RPL15: variants seen among roughly 807,000 people sequenced by gnomAD.
RPL15 encodes the protein large ribosomal subunit protein eL15.
For missense variants in RPL15, 161 were observed against 271.8 expected (o/e 0.59, Z 2.87); for synonymous variants, 97 against 95.1 (o/e 1.02, Z -0.12).
In RPL15 at chr3:23,919,351, C is replaced by A. The variant is rs1199118032; in HGVS notation, c.465C>A (p.Val155=). ...NPDTQWITKP[V]HKHREMRGLT... ...ACACCCAGTGGATCACCAAACCAGTCCACAAGCACAGGGAGATGCGTGGGC... is the reference window on the plus strand; with the variant it reads ...ACACCCAGTGGATCACCAAACCAGTACACAAGCACAGGGAGATGCGTGGGC... Residue 155 remains valine, a synonymous_variant, in exon 4 of 4, where the codon GTC becomes GTA. Coordinates refer to ENST00000307839, the MANE Select transcript of RPL15 (RefSeq NM_002948.5). 1.2e-6 allele frequency: 2 copies of A among 1,602,506 alleles called. No homozygotes were observed. Among genetic ancestry groups the A allele is most frequent in the Admixed American group, 1.7e-5 (1 of 59,992 alleles).
Position 23,919,891 on chromosome 3 carries a change from G to GTT in RPL15, c.*397_*398dup. 1 of 993,570 alleles carries GTT rather than the reference G, an allele frequency of 1.0e-6. No individual in the cohort carries two copies. The allele number at this position is 993,570 out of a possible 1,614,324, so 61.5% of individuals were successfully genotyped here. A position where few individuals can be genotyped will look rare whatever the true frequency, so the allele number is the denominator to read the frequency against. On this transcript the variant is annotated 3_prime_UTR_variant, in exon 4 of 4. Transcript: ENST00000307839. ...TGCTGGTTTATTTTCAAGTGGCTGC[G>GTT]TTTTTTTTAGTTTGGCAGGTGTAGA...
chr3:23,917,935 C>A lies in RPL15; in HGVS notation c.76C>A (p.Arg26Ser). 6.2e-7 allele frequency: 1 copy of A among 1,613,606 alleles called. No homozygotes were observed. Among genetic ancestry groups the A allele is most frequent in the Non-Finnish European group, 8.5e-7 (1 of 1,179,702 alleles). Residue 26 changes from arginine to serine, a missense_variant, in exon 2 of 4, where the codon CGC becomes AGC. By Grantham distance (110) the Arg-to-Ser change is moderately radical. Coordinates refer to ENST00000307839, the MANE Select transcript of RPL15 (RefSeq NM_002948.5). ...SDVMRFLLRV[R>S]CWQYRQLSAL... ...TGTCATGCGCTTTCTTCTGAGGGTC[C>A]GCTGCTGGCAGTACCGCCAGCTCTC...
intron 3 of RPL15, 42 bp from the exon 4 acceptor site, chr3:23,919,154 G>A: frequency 2.9e-6 from 4 of 1,361,796 alleles, no homozygotes; most frequent in Non-Finnish European, 4.2e-6. Context: ...GCTGCTATAG[G>A]CAATGTGGGA....
upstream of RPL15, chr3:23,916,650 G>C (rs1478540332): frequency 6.6e-6 from 1 of 152,560 alleles, no homozygotes; most frequent in Non-Finnish European, 1.5e-5. Flanking sequence ...GAAGCGTCGG[G>C]GGATCTCTCA....
At chr3:23,921,570 G>GTTGTGTTTTTTT, downstream of RPL15, 1 of 508,322 alleles carries the variant, frequency 2.0e-6, no homozygotes, top group Non-Finnish European at 3.5e-6. Flanking sequence ...TGATTATTGA[G>GTTGTGTTTTTTT]TTTTTTTTTT....
In RPL15 at chr3:23,920,010, GC is replaced by G. The variant is rs1704983285; in HGVS notation, c.*510del. On this transcript the variant is annotated 3_prime_UTR_variant, in exon 4 of 4. Transcript: ENST00000307839. ...TTTTAAATTCACATAAAAGGTGAAA[GC>G]TCCTGGTTCAGTGCCATGGCTTCAT... 6 of 986,764 alleles carry G rather than the reference GC, an allele frequency of 6.1e-6. No individual in the cohort carries two copies. The South Asian group carries it at 2.8e-4, about 46-fold the overall frequency. The allele number at this position is 986,764 out of a possible 1,614,324, so 61.1% of individuals were successfully genotyped here. A position where few individuals can be genotyped will look rare whatever the true frequency, so the allele number is the denominator to read the frequency against.
Position 23,917,965 on chromosome 3 carries a change from C to T in RPL15, c.106C>T (p.Leu36Phe). Residue 36 changes from leucine to phenylalanine, a missense_variant, in exon 2 of 4, where the codon CTC (leucine) becomes TTC (phenylalanine). Physicochemically the swap from Leu to Phe is conservative, Grantham distance 22 (BLOSUM62 0). Transcript: ENST00000307839. ...RCWQYRQLSA[L>F]HRAPRPTRPD... ...CTGGCAGTACCGCCAGCTCTCTGCT[C>T]TCCACAGGGCTCCCCGCCCCACCCG... 3.1e-6 allele frequency: 5 copies of T among 1,613,706 alleles called. No homozygotes were observed. Among genetic ancestry groups the T allele is most frequent in the Non-Finnish European group, 4.2e-6 (5 of 1,179,814 alleles).
intron 2 of RPL15, 50 bp downstream of exon 2, chr3:23,918,081 G>T: frequency 1.3e-6 from 2 of 1,574,620 alleles, no homozygotes; most frequent in Non-Finnish European, 1.7e-6. Context: ...TTCGAGAAAA[G>T]TTGGAAACCA....
downstream of RPL15, chr3:23,921,767 G>T: frequency 1.7e-6 from 1 of 594,792 alleles, no homozygotes; most frequent in Non-Finnish European, 3.0e-6. Flanking sequence ...TAGAGACTGG[G>T]TTTCACTATG....
intron 3 of RPL15, 89 bp from the exon 4 acceptor site, chr3:23,919,107 G>T: frequency 1.2e-6 from 1 of 849,736 alleles, no homozygotes. Context: ...TTGTCTGGTG[G>T]TGAACTAGAG....
chr3:23,917,822 A>C (rs368314767), intron 1 of RPL15, 28 bp from the exon 2 acceptor site: 1 of 1,582,542 alleles, frequency 6.3e-7, no homozygotes, highest in Non-Finnish European at 8.6e-7. Context: ...AAAGCGGATG[A>C]TATTTAATAC....
rs1381714193 is a variant in RPL15 at position 23,920,848 on chromosome 3, TGGACC to T, written c.*1348_*1352del. 1.1e-6 allele frequency: 1 copy of T among 878,796 alleles called. No individual in the cohort carries two copies. Among genetic ancestry groups the T allele is most frequent in the Admixed American group, 6.2e-5 (1 of 16,118 alleles). 54.4% of individuals were successfully genotyped at this position (878,796 alleles called of 1,614,324 possible). A position where few individuals can be genotyped will look rare whatever the true frequency, so the allele number is the denominator to read the frequency against. On this transcript the variant is annotated 3_prime_UTR_variant, in exon 4 of 4. Coordinates refer to ENST00000307839, the MANE Select transcript of RPL15 (RefSeq NM_002948.5). ...TAAATGTCTATTAAACTAAAACAAA[TGGACC>T]TTCTGTTATTTTTTGTCATCTTACA...
chr3:23,920,365 A>G lies in RPL15; in HGVS notation c.*864A>G. 1 of 985,484 alleles carries G rather than the reference A, an allele frequency of 1.0e-6. No homozygotes were observed. The highest frequency in any genetic ancestry group is 1.2e-6 in the Non-Finnish European group (1 of 829,886). 61.0% of individuals were successfully genotyped at this position (985,484 alleles called of 1,614,324 possible). On this transcript the variant is annotated 3_prime_UTR_variant, in exon 4 of 4. Coordinates refer to ENST00000307839, the MANE Select transcript of RPL15 (RefSeq NM_002948.5). ...TGTCCACTCCCATAGGCTACAGAAAAAGTCACAAGCGCATGGTTTCCAACC... is the reference window on the plus strand; with the variant it reads ...TGTCCACTCCCATAGGCTACAGAAAGAGTCACAAGCGCATGGTTTCCAACC...
chr3:23,922,829 C>G (rs998125876), downstream of RPL15: 2 of 152,162 alleles, frequency 1.3e-5, no homozygotes, highest in African/African-American at 4.8e-5. The surrounding 1 kb of genome is among the most constrained non-coding windows in gnomAD (Gnocchi z 4.2). Context: ...TATTTTGAGA[C>G]AGGGTCTCAC....
chr3:23,918,243 C>G, intron 2 of RPL15, 197 bp from the exon 3 acceptor site: 1 of 901,662 alleles, frequency 1.1e-6, no homozygotes, highest in Non-Finnish European at 1.7e-6. Flanking sequence ...CAGACTAAAG[C>G]AAAATAAACA....
chr3:23,921,525 A>G (rs1705079125), downstream of RPL15: 2 of 660,240 alleles, frequency 3.0e-6, no homozygotes, highest in Non-Finnish European at 5.4e-6. Flanking sequence ...TTGCTTTACT[A>G]TTTCTATATT....
Position 23,919,235 on chromosome 3 carries a change from A to C in RPL15, c.349A>C (p.Asn117His). The change falls in exon 4 of 4, where the codon AAT (asparagine) becomes CAT (histidine). Residue 117 changes from asparagine (N) to histidine (H), a missense_variant. Coordinates refer to ENST00000307839, the MANE Select transcript of RPL15 (RefSeq NM_002948.5). ...CCACTGTGGGGCTCTGAGAGTCCTG[A>C]ATTCTTACTGGGTTGGTGAAGATTC... ...GRHCGALRVLNSYWVGEDSTY... is the reference protein window; with the variant it reads ...GRHCGALRVLHSYWVGEDSTY... 6.2e-7 allele frequency: 1 copy of C among 1,613,858 alleles called. No individual in the cohort carries two copies. Among genetic ancestry groups the C allele is most frequent in the East Asian group, 2.2e-5 (1 of 44,892 alleles).
chr3:23,918,845 A>G, intron 3 of RPL15: 1 of 515,180 alleles, frequency 1.9e-6, no homozygotes, highest in Non-Finnish European at 3.4e-6. Flanking sequence ...CACAGCCTAA[A>G]ATATATACTA....
chr3:23,918,380 T>C, intron 2 of RPL15, 60 bp from the exon 3 acceptor site: 1 of 1,557,946 alleles, frequency 6.4e-7, no homozygotes, highest in Non-Finnish European at 8.7e-7. Flanking sequence ...GACAAGCCAT[T>C]GAGTCTTAAG....
Sources: gnomAD v4.1 joint callset for allele counts on GRCh38, gnomAD v4.1.1 for gene constraint, Gnocchi (gnomAD v3.1) non-coding constraint, MANE v1.5 for transcripts, NCBI Gene and HGNC (gene_info 2026-07-23, HGNC 2026-07-21) for gene names.